The following NRG3 variants were observed in gnomAD, a reference collection of about 807,000 sequenced individuals.
NRG3 encodes neuregulin 3.
A neutral mutation model predicts 66.9 loss-of-function variants in NRG3; 31 were observed. That is an observed-to-expected ratio of 0.46 (90% CI 0.35 to 0.63). NRG3 has a LOEUF of 0.63. Among genes scored for constraint, NRG3 ranks in the 20% least tolerant of loss-of-function variants. The pLI is 0.00. For synonymous variants in NRG3, 393 were observed against 359.4 expected (o/e 1.09, Z -1.06); for missense variants, 910 against 878.9 (o/e 1.04, Z -0.45).
At chr10:82,888,232 G>A (rs1178786066) in intron 4 of NRG3, among the ~76,000 whole-genome samples, 1 of 152,060 alleles carries the variant, frequency 6.6e-6, no homozygotes, top group Non-Finnish European at 1.5e-5. Flanking sequence ...TGTAAAGTGT[G>A]TTCCCTAGTG....
intron 2 of NRG3, among the ~76,000 whole-genome samples, chr10:82,593,359 A>G (rs1172523765): frequency 6.6e-6 from 1 of 152,192 alleles, no homozygotes; most frequent in Non-Finnish European, 1.5e-5. Flanking sequence ...CCAACAAACA[A>G]ATATTATTTG....
intron 2 of NRG3, among the ~76,000 whole-genome samples, chr10:82,636,166 T>G (rs1014501218): frequency 6.6e-6 from 1 of 152,072 alleles, no homozygotes; most frequent in African/African-American, 2.4e-5. Context: ...TGTATGAGAC[T>G]GGAATTATAG....
chr10:82,951,696 A>G, intron 5 of NRG3, 125 bp downstream of exon 5: 2 of 746,882 alleles, frequency 2.7e-6, no homozygotes, highest in Non-Finnish European at 4.5e-6. Context: ...AACAATCTGC[A>G]AGTGACTTAG....
Position 82,445,490 on chromosome 10 carries a change from T to G in NRG3, c.953+86622T>G, listed in dbSNP as rs576092630. Reference sequence around the variant, plus strand: ...TAGAGAAGGATGTAATAAGCATGCCTTCTTAGGGGCTCTCTGTGTCTAAAA... The same window carrying G: ...TAGAGAAGGATGTAATAAGCATGCCGTCTTAGGGGCTCTCTGTGTCTAAAA... On this transcript the variant is annotated intron_variant, in intron 2 of 8. Transcript: ENST00000372141. Among the ~76,000 whole-genome samples the G allele has an allele frequency of 9.5e-4, 145 of 152,316 alleles. 1 individual carries two copies. Among genetic ancestry groups the G allele is most frequent in the African/African-American group, 3.4e-3 (141 of 41,560 alleles).
chr10:82,424,136 A>C (rs1415134786), intron 2 of NRG3, among the ~76,000 whole-genome samples: 3 of 151,784 alleles, frequency 2.0e-5, no homozygotes, highest in African/African-American at 7.3e-5. Context: ...ATATTTTTTC[A>C]CTTCTTTTGA....
At chr10:82,657,904 G>GAAA (rs35129207) in intron 2 of NRG3, among the ~76,000 whole-genome samples, 155 of 144,984 alleles carry the variant, frequency 1.1e-3, no homozygotes, top group African/African-American at 3.1e-3. Flanking sequence ...CACATACACA[G>GAAA]AAAAAAAAAA....
At chr10:82,913,599 T>C (rs545582701) in intron 4 of NRG3, among the ~76,000 whole-genome samples, 8 of 152,358 alleles carry the variant, frequency 5.3e-5, no homozygotes, top group African/African-American at 1.9e-4. Context: ...GGTTTTGTTT[T>C]TCCATTAACA....
At chr10:82,358,224 A>G (rs866359681) in intron 1 of NRG3, among the ~76,000 whole-genome samples, 5 of 152,198 alleles carry the variant, frequency 3.3e-5, no homozygotes, top group South Asian at 2.1e-4. Flanking sequence ...TTTTAATTAC[A>G]TAATAAAAGG....
chr10:81,997,126 C>T (rs1487410432), intron 1 of NRG3, among the ~76,000 whole-genome samples: 2 of 152,158 alleles, frequency 1.3e-5, no homozygotes, highest in Non-Finnish European at 2.9e-5. Context: ...TCTGGCGACT[C>T]ATTCATCTGC....
chr10:82,528,444 TG>T (rs1238523664), intron 2 of NRG3, among the ~76,000 whole-genome samples: 1 of 152,198 alleles, frequency 6.6e-6, no homozygotes, highest in Non-Finnish European at 1.5e-5. Context: ...TAGCAGAAGC[TG>T]CATTAATTCA....
intron 2 of NRG3, among the ~76,000 whole-genome samples, chr10:82,380,357 G>A (rs902142296): frequency 6.6e-6 from 1 of 152,056 alleles, no homozygotes; most frequent in African/African-American, 2.4e-5. Context: ...AGGTAATTAA[G>A]TTCCAGTTAA....
chr10:82,541,305 C>A (rs865815762), intron 2 of NRG3, among the ~76,000 whole-genome samples: 2 of 152,076 alleles, frequency 1.3e-5, no homozygotes, highest in African/African-American at 4.8e-5. Context: ...TATATATACT[C>A]ATCTTGTAGC....
intron 2 of NRG3, among the ~76,000 whole-genome samples, chr10:82,664,095 C>T (rs954516195): frequency 6.6e-6 from 1 of 152,242 alleles, no homozygotes; most frequent in African/African-American, 2.4e-5. Flanking sequence ...TTCAAATCTG[C>T]TTTTCTCTTA....
intron 2 of NRG3, among the ~76,000 whole-genome samples, chr10:82,551,433 A>G (rs1314600943): frequency 1.3e-5 from 2 of 152,102 alleles, no homozygotes; most frequent in Non-Finnish European, 2.9e-5. Flanking sequence ...TTCAGAAGAC[A>G]AGTATGCCTG....
intron 1 of NRG3, among the ~76,000 whole-genome samples, chr10:82,240,384 G>A (rs2076956366): frequency 6.7e-6 from 1 of 149,592 alleles, no homozygotes; most frequent in Admixed American, 6.6e-5. Flanking sequence ...CATATAAAAT[G>A]CATGTTTTAT....
At chr10:82,782,428 G>A (rs531546383) in intron 3 of NRG3, among the ~76,000 whole-genome samples, 2 of 152,172 alleles carry the variant, frequency 1.3e-5, no homozygotes, top group South Asian at 2.1e-4. Context: ...CTGTAGAACT[G>A]TAAGAAATAT....
intron 4 of NRG3, among the ~76,000 whole-genome samples, chr10:82,909,241 C>T (rs1845079914): frequency 6.6e-6 from 1 of 152,148 alleles, no homozygotes. Context: ...ATTATTACCT[C>T]CTAGAGATGA....
intron 2 of NRG3, among the ~76,000 whole-genome samples, chr10:82,624,493 T>C (rs2133652164): frequency 6.6e-6 from 1 of 152,192 alleles, no homozygotes; most frequent in South Asian, 2.1e-4. Flanking sequence ...TAAGTCACAG[T>C]GGAATATCTC....
intron 2 of NRG3, among the ~76,000 whole-genome samples, chr10:82,462,322 C>T (rs768737393): frequency 6.6e-5 from 10 of 151,476 alleles, no homozygotes; most frequent in Non-Finnish European, 1.0e-4. Flanking sequence ...AGGTAGGGTC[C>T]CATTTTCTTC....
Sources: allele counts gnomAD v4.1 joint callset (sites outside exome capture counted in the v4.1 genomes callset), GRCh38; gene constraint gnomAD v4.1.1; transcripts MANE v1.5; gene names NCBI Gene and HGNC (gene_info 2026-07-23, HGNC 2026-07-21).